The following RBM33 variants were observed in gnomAD, a reference collection of about 807,000 sequenced individuals.
RBM33 encodes RNA binding motif protein 33.
In RBM33, 28 loss-of-function variants were observed where a neutral mutation model predicts 132.6. The observed-to-expected ratio is 0.21, with a 90% CI of 0.16 to 0.29. The LOEUF (loss-of-function observed/expected upper bound fraction) is 0.29, where lower values mean the gene tolerates loss of function less well. RBM33 is among the 10% of genes least tolerant of loss of function. RBM33 has a pLI of 1.00. For synonymous variants in RBM33, 634 were observed against 593.0 expected, an observed-to-expected ratio of 1.07 and a Z score of -1.01; for missense variants, 1,291 against 1,518.5, an observed-to-expected ratio of 0.85 and a Z score of 2.49.
chr7:155,759,815 C>T (rs1365385407), intron 14 of RBM33, among the ~76,000 whole-genome samples: 2 of 152,110 alleles, frequency 1.3e-5, no homozygotes, highest in Non-Finnish European at 2.9e-5. Flanking sequence ...TTAAAGTTTC[C>T]TCTCTAGACC....
At position 155,739,894 on chromosome 7, in the gene RBM33, C is replaced by T. The variant is rs57645744; in HGVS notation, c.1917C>T (p.His639=). The T allele has an allele frequency of 2.4e-3, 3,676 of 1,549,228 alleles. 79 individuals carry two copies. In the African/African-American group the frequency reaches 0.045, roughly 19 times the overall value. Residue 639 remains histidine, a synonymous_variant, in exon 12 of 18, where the codon CAC becomes CAT. Coordinates refer to ENST00000401878, the MANE Select transcript of RBM33 (RefSeq NM_053043.3). ...HPPQHQHHHH[H]HHLSVPPPPL... is the part of the protein sequence containing the mutation. Reference sequence around the variant, plus strand: ...CGCAGCACCAGCACCACCACCACCACCACCACCTGTCCGTCCCGCCCCCTC... The same window carrying T: ...CGCAGCACCAGCACCACCACCACCATCACCACCTGTCCGTCCCGCCCCCTC...
intron 16 of RBM33, among the ~76,000 whole-genome samples, chr7:155,767,887 A>T (rs1315862459): frequency 6.6e-6 from 1 of 152,266 alleles, no homozygotes; most frequent in Admixed American, 6.5e-5. Flanking sequence ...TAGATGGATT[A>T]AAATGTGGTT....
chr7:155,775,141 C>G lies in RBM33; in HGVS notation c.*100C>G. On this transcript the variant is annotated 3_prime_UTR_variant, in exon 18 of 18. Transcript: ENST00000401878. ...AGAACCCCCAGGAGCACAGGTCTCT[C>G]CGGGCCGCTGTCCTGCGTAACTGTT... The G allele has an allele frequency of 9.6e-7, 1 of 1,046,328 alleles. No homozygotes were observed. The highest frequency in any genetic ancestry group is 1.5e-6 in the Non-Finnish European group (1 of 667,086). The allele number at this position is 1,046,328 out of a possible 1,614,324, so 64.8% of individuals were successfully genotyped here. A position where few individuals can be genotyped will look rare whatever the true frequency, so the allele number is the denominator to read the frequency against.
At chr7:155,741,044 T>G (rs551275822) in intron 12 of RBM33, among the ~76,000 whole-genome samples, 6 of 152,230 alleles carry the variant, frequency 3.9e-5, no homozygotes, top group Non-Finnish European at 8.8e-5. Context: ...GCCTCTTTCT[T>G]TCTTAAAGTA....
chr7:155,695,287 A>G (rs932939695), intron 5 of RBM33, among the ~76,000 whole-genome samples: 3 of 152,192 alleles, frequency 2.0e-5, no homozygotes, highest in African/African-American at 2.4e-5. Flanking sequence ...TGCTGTCTAT[A>G]CATGTATTTT....
At chr7:155,677,868 A>T (rs1799227209) in intron 3 of RBM33, among the ~76,000 whole-genome samples, 1 of 152,198 alleles carries the variant, frequency 6.6e-6, no homozygotes, top group African/African-American at 2.4e-5. Context: ...TCGTGAAGGG[A>T]GTAGTAATTT....
At chr7:155,700,978 C>G (rs904707994) in intron 6 of RBM33, 34 bp downstream of exon 6, 1 of 1,541,092 alleles carries the variant, frequency 6.5e-7, no homozygotes, top group Non-Finnish European at 8.9e-7. Flanking sequence ...TCCTCCTTTA[C>G]TCTCATTTCA....
intron 6 of RBM33, among the ~76,000 whole-genome samples, chr7:155,702,261 A>G (rs1051137882): frequency 1.3e-5 from 2 of 152,226 alleles, no homozygotes; most frequent in African/African-American, 4.8e-5. Flanking sequence ...GGAGGACACT[A>G]AGCTTCAAAG....
intron 14 of RBM33, among the ~76,000 whole-genome samples, chr7:155,757,379 T>G (rs1489646811): frequency 6.6e-6 from 1 of 152,240 alleles, no homozygotes; most frequent in East Asian, 1.9e-4. Context: ...AAATTCATTT[T>G]TTTCTTACAA....
chr7:155,727,409 G>A (rs1009990158), intron 9 of RBM33, among the ~76,000 whole-genome samples: 1 of 152,220 alleles, frequency 6.6e-6, no homozygotes, highest in African/African-American at 2.4e-5. Flanking sequence ...AGGAATAAGT[G>A]AGAATTTGTG....
At position 155,777,684 on chromosome 7, in the gene RBM33, T is replaced by C. The variant is rs983810460; in HGVS notation, c.*2643T>C. On this transcript the variant is annotated 3_prime_UTR_variant, in exon 18 of 18. Transcript: ENST00000401878. ...AAATATGGACCTTTTAAAATTAAAATACTATTGGAAGTGCTTTCAACTCAG... is the reference window on the plus strand; with the variant it reads ...AAATATGGACCTTTTAAAATTAAAACACTATTGGAAGTGCTTTCAACTCAG... 3 of 152,676 alleles carry C rather than the reference T, an allele frequency of 2.0e-5. No homozygotes were observed. The highest frequency in any genetic ancestry group is 7.2e-5 in the African/African-American group (3 of 41,462). The allele number at this position is 152,676 out of a possible 1,614,324, so 9.5% of individuals were successfully genotyped here.
At chr7:155,690,714 C>T (rs147643249) in intron 5 of RBM33, among the ~76,000 whole-genome samples, 4,417 of 152,130 alleles carry the variant, frequency 0.029, 212 homozygotes, top group African/African-American at 0.1. Context: ...TTTTATTTCT[C>T]CTTCACTTAT....
At chr7:155,652,837 A>G (rs943277483) in intron 1 of RBM33, among the ~76,000 whole-genome samples, 1 of 152,230 alleles carries the variant, frequency 6.6e-6, no homozygotes, top group Non-Finnish European at 1.5e-5. Flanking sequence ...GTTCTGTTTA[A>G]TATGACTGCT....
chr7:155,680,596 G>A lies in RBM33; in HGVS notation c.255G>A (p.Gln85=). The part of the protein sequence containing the change: ...DNEDEENFSS[Q]GVTISLNATS... ...TTATTTTCGTCCTCTCTAGTTCTCA[G>A]GGTGTTACAATTAGTCTGAATGCTA... Residue 85 remains glutamine (Q), a synonymous_variant, in exon 5 of 18, where the codon CAG becomes CAA. Coordinates refer to ENST00000401878, the MANE Select transcript of RBM33 (RefSeq NM_053043.3). 1 of 1,590,904 alleles carries A rather than the reference G, an allele frequency of 6.3e-7. No homozygotes were observed. The highest frequency in any genetic ancestry group is 8.5e-7 in the Non-Finnish European group (1 of 1,170,644).
intron 1 of RBM33, among the ~76,000 whole-genome samples, chr7:155,661,588 A>G (rs1187926727): frequency 2.0e-5 from 3 of 151,200 alleles, no homozygotes; most frequent in Admixed American, 2.0e-4. Flanking sequence ...TTGTATTTTT[A>G]GTAGAGACGG....
chr7:155,754,819 A>C (rs1438818580), intron 14 of RBM33, among the ~76,000 whole-genome samples: 3 of 152,230 alleles, frequency 2.0e-5, no homozygotes, highest in East Asian at 3.9e-4. Flanking sequence ...CTTGGTAGTT[A>C]GGAGGTCTGT....
rs912113583 is a variant in RBM33, at chr7:155,777,308, C to G, written c.*2267C>G. ...CTACACGTGCACATAGGCAGACTTTCTCATAGAATGTTCTTGAAAGGTGAT... is the reference window on the plus strand; with the variant it reads ...CTACACGTGCACATAGGCAGACTTTGTCATAGAATGTTCTTGAAAGGTGAT... On this transcript the variant is annotated 3_prime_UTR_variant, in exon 18 of 18. Coordinates refer to ENST00000401878, the MANE Select transcript of RBM33 (RefSeq NM_053043.3). 8.5e-5 allele frequency: 13 copies of G among 152,460 alleles called. No individual in the cohort carries two copies. The highest frequency in any genetic ancestry group is 3.1e-4 in the African/African-American group (13 of 41,410). The allele number at this position is 152,460 out of a possible 1,614,324, so 9.4% of individuals were successfully genotyped here. A position where few individuals can be genotyped will look rare whatever the true frequency, so the allele number is the denominator to read the frequency against.
chr7:155,736,687 C>T (rs1457570085), intron 9 of RBM33, among the ~76,000 whole-genome samples: 2 of 152,126 alleles, frequency 1.3e-5, no homozygotes, highest in African/African-American at 4.8e-5. Context: ...TCTGTTAAGT[C>T]AGGAATTGCT....
At chr7:155,678,797 C>T (rs980401421) in intron 4 of RBM33, 113 bp downstream of exon 4, 1 of 607,354 alleles carries the variant, frequency 1.6e-6, no homozygotes, top group African/African-American at 1.9e-5. Flanking sequence ...ATCTTTAACA[C>T]ATGATTACAT....
Sources: allele counts gnomAD v4.1 joint callset (sites outside exome capture counted in the v4.1 genomes callset), GRCh38; gene constraint gnomAD v4.1.1; transcripts MANE v1.5; gene names NCBI Gene and HGNC (gene_info 2026-07-23, HGNC 2026-07-21).